The following PRTG variants were observed in gnomAD, a reference collection of about 807,000 sequenced individuals.
PRTG encodes the protein protogenin, also known as immunoglobulin superfamily, DCC subclass, member 5.
Under a neutral mutation model 122.5 loss-of-function variants are expected in PRTG, and 67 were observed. The ratio of observed to expected loss-of-function variants is 0.55; its 90% CI spans 0.45 to 0.67. The LOEUF is 0.67. PRTG is among the 30% of genes least tolerant of loss of function. The probability of loss-of-function intolerance (pLI) is 0.00; values close to 1 mark genes in which losing one functional copy is unlikely to be tolerated. For synonymous variants in PRTG, 554 were observed against 501.1 expected (o/e 1.11, Z -1.41); for missense variants, 1,435 against 1,415.4 (o/e 1.01, Z -0.22).
intron 2 of PRTG, among the ~76,000 whole-genome samples, chr15:55,721,365 T>C (rs1342139208): frequency 3.3e-5 from 5 of 152,170 alleles, no homozygotes; most frequent in East Asian, 1.9e-4. Flanking sequence ...AGTTAATCAC[T>C]TGCAAGTTAA....
chr15:55,700,714 G>A (rs1595662325), intron 2 of PRTG, among the ~76,000 whole-genome samples: 2 of 152,098 alleles, frequency 1.3e-5, no homozygotes, highest in African/African-American at 4.8e-5. Flanking sequence ...CTGGGAGGTC[G>A]AGGCTGTACT....
chr15:55,629,401 G>A (rs71399481), intron 15 of PRTG, among the ~76,000 whole-genome samples: 1 of 112,182 alleles, frequency 8.9e-6, no homozygotes, highest in African/African-American at 4.3e-5. Flanking sequence ...GTGTGTGTGT[G>A]TGTGTGTGTG....
chr15:55,641,158 C>T lies in PRTG; in HGVS notation c.2092G>A (p.Asp698Asn), dbSNP rs368384437. ...ACAGTCTGATCTGCCTGATAGCCAT[C>T]GTCTATGTTGTTGTAAGCCAGGAGT... is the stretch of plus-strand genomic sequence containing the variant. ...VRLLAYNNID[D>N]GYQADQTVST... The change falls in exon 12 of 20, where the codon GAT becomes AAT. Residue 698 changes from aspartate (D) to asparagine (N), a missense_variant. Physicochemically the swap from Asp to Asn is conservative, Grantham distance 23 (BLOSUM62 1). Transcript: ENST00000389286. The T allele has an allele frequency of 8.1e-6, 13 of 1,613,796 alleles. No individual in the cohort carries two copies. In the African/African-American group the frequency reaches 1.1e-4, roughly 13 times the overall value.
Position 55,627,118 on chromosome 15 carries a change from T to C in PRTG, c.2817A>G (p.Gly939=), listed in dbSNP as rs1483379318. ...TTGATTTTTGGTCCAGATGGTAATA[T>C]CCTGAATAAACTAGAAGGGAAAACA... is the stretch of plus-strand genomic sequence containing the variant. ...LDSADAKVYS[G]YYHLDQKSMT... The change falls in exon 17 of 20, where the codon GGA becomes GGG. Residue 939 remains glycine, a synonymous_variant. Coordinates refer to ENST00000389286, the MANE Select transcript of PRTG (RefSeq NM_173814.6). 4 of 1,595,070 alleles carry C rather than the reference T, an allele frequency of 2.5e-6. No homozygotes were observed. The highest frequency in any genetic ancestry group is 3.4e-6 in the Non-Finnish European group (4 of 1,165,964).
rs757540557 is a variant in PRTG, at chr15:55,673,358, T to G, written c.1852+13A>C. The G allele has an allele frequency of 5.0e-6, 8 of 1,590,958 alleles. No individual in the cohort carries two copies. Among genetic ancestry groups the G allele is most frequent in the Non-Finnish European group, 6.9e-6 (8 of 1,161,162 alleles). ...AAAATACTGTATTTTCTTAACAGTC[T>G]TCAGAAATTCACCTTTCACGCTTGT... On this transcript the variant is annotated intron_variant, in intron 10 of 19. Transcript: ENST00000389286.
chr15:55,640,355 A>G (rs1332743420), intron 12 of PRTG, among the ~76,000 whole-genome samples: 3 of 152,214 alleles, frequency 2.0e-5, no homozygotes, highest in Non-Finnish European at 4.4e-5. Flanking sequence ...TTATAATTTT[A>G]TGGGACCACT....
intron 2 of PRTG, among the ~76,000 whole-genome samples, chr15:55,688,174 T>C (rs1451511094): frequency 2.0e-5 from 3 of 152,240 alleles, no homozygotes; most frequent in Non-Finnish European, 4.4e-5. Context: ...TATTACTGGC[T>C]GTCTCCCCTT....
chr15:55,632,666 A>G lies in PRTG; in HGVS notation c.2624-3662T>C, dbSNP rs192947850. ...CTCAGGGCCTTTGCACCTCCCCCAGATATCCACAGGGTTATGTTTGAATGT... is the reference window on the plus strand; with the variant it reads ...CTCAGGGCCTTTGCACCTCCCCCAGGTATCCACAGGGTTATGTTTGAATGT... On this transcript the variant is annotated intron_variant, in intron 15 of 19. Coordinates refer to ENST00000389286, the MANE Select transcript of PRTG (RefSeq NM_173814.6). 3.3e-3 allele frequency among the ~76,000 whole-genome samples: 500 copies of G among 152,234 alleles called. 1 individual carries two copies. The highest frequency in any genetic ancestry group is 0.011 in the African/African-American group (454 of 41,550).
intron 15 of PRTG, among the ~76,000 whole-genome samples, chr15:55,630,241 C>A (rs1234238122): frequency 6.6e-6 from 1 of 152,182 alleles, no homozygotes; most frequent in Non-Finnish European, 1.5e-5. Context: ...CCGCCTCGGC[C>A]TCCCAAAGTG....
chr15:55,706,744 T>A (rs919836070), intron 2 of PRTG, among the ~76,000 whole-genome samples: 2 of 151,312 alleles, frequency 1.3e-5, no homozygotes, highest in Non-Finnish European at 2.9e-5. Flanking sequence ...CCAGCATGGG[T>A]GATAGAGTGA....
chr15:55,644,577 C>A (rs1335962879), intron 11 of PRTG, among the ~76,000 whole-genome samples: 1 of 152,070 alleles, frequency 6.6e-6, no homozygotes, highest in Non-Finnish European at 1.5e-5. Flanking sequence ...GATCAGAGAA[C>A]CGAGTTGCTC....
At position 55,731,563 on chromosome 15, in the gene PRTG, GT is replaced by G. The variant is rs552196083; in HGVS notation, c.397+8818del. Among the ~76,000 whole-genome samples, 48 of 151,856 alleles carry G rather than the reference GT, an allele frequency of 3.2e-4. No homozygotes were observed. The South Asian group carries it at 0.01, about 32-fold the overall frequency. ...TGTTTGTATTTTTAGTAGAGATGGG[GT>G]TTCACCATGTCGGTCAGGCTGGTCT... On this transcript the variant is annotated intron_variant, in intron 2 of 19. Coordinates refer to ENST00000389286, the MANE Select transcript of PRTG (RefSeq NM_173814.6).
At chr15:55,734,092 G>A (rs901298162) in intron 2 of PRTG, among the ~76,000 whole-genome samples, 51 of 152,304 alleles carry the variant, frequency 3.3e-4, no homozygotes, top group African/African-American at 1.1e-3. Flanking sequence ...GGAGGGTAGA[G>A]GCCAGGGATG....
intron 2 of PRTG, among the ~76,000 whole-genome samples, chr15:55,698,327 G>C (rs893137246): frequency 6.6e-6 from 1 of 152,056 alleles, no homozygotes; most frequent in African/African-American, 2.4e-5. Context: ...GTCTCTCTCT[G>C]TCACCCAGGC....
rs886675690 is a variant in PRTG, at chr15:55,615,505, C to T, written c.*4507G>A. 3.3e-5 allele frequency: 5 copies of T among 152,036 alleles called. No individual in the cohort carries two copies. The highest frequency in any genetic ancestry group is 2.4e-5 in the African/African-American group (1 of 41,392). The allele number at this position is 152,036 out of a possible 1,614,324, so 9.4% of individuals were successfully genotyped here. A position where few individuals can be genotyped will look rare whatever the true frequency, so the allele number is the denominator to read the frequency against. On this transcript the variant is annotated 3_prime_UTR_variant, in exon 20 of 20. Coordinates refer to ENST00000389286, the MANE Select transcript of PRTG (RefSeq NM_173814.6). ...TAAATCAACTTAACACAGAACTCTA[C>T]GGTTACATTCTTCTAAACATCAATA...
chr15:55,631,625 TG>T (rs1220820417), intron 15 of PRTG, among the ~76,000 whole-genome samples: 3 of 152,220 alleles, frequency 2.0e-5, no homozygotes, highest in African/African-American at 7.2e-5. Flanking sequence ...TTCCGTCTCC[TG>T]CCTTTTATAT....
chr15:55,727,332 T>C (rs1289691780), intron 2 of PRTG, among the ~76,000 whole-genome samples: 1 of 151,844 alleles, frequency 6.6e-6, no homozygotes, highest in East Asian at 1.9e-4. Flanking sequence ...TTTTTACTAC[T>C]GACTTAAAAA....
Position 55,617,699 on chromosome 15 carries a change from T to C in PRTG, c.*2313A>G, listed in dbSNP as rs2059147212. The C allele has an allele frequency of 6.6e-6, 1 of 152,148 alleles. No individual in the cohort carries two copies. Among genetic ancestry groups the C allele is most frequent in the Non-Finnish European group, 1.5e-5 (1 of 68,014 alleles). The allele number at this position is 152,148 out of a possible 1,614,324, so 9.4% of individuals were successfully genotyped here. A position where few individuals can be genotyped will look rare whatever the true frequency, so the allele number is the denominator to read the frequency against. On this transcript the variant is annotated 3_prime_UTR_variant, in exon 20 of 20. Transcript: ENST00000389286. ...TTCATCAAAAACCAAACAAACAAAATACTTTCCTCAAGGACTTTAGCTCGT... is the reference window on the plus strand; with the variant it reads ...TTCATCAAAAACCAAACAAACAAAACACTTTCCTCAAGGACTTTAGCTCGT...
rs1158617200 is a variant in PRTG at position 55,614,873 on chromosome 15, T to C, written c.*5139A>G. 1 of 152,084 alleles carries C rather than the reference T, an allele frequency of 6.6e-6. No homozygotes were observed. The highest frequency in any genetic ancestry group is 2.4e-5 in the African/African-American group (1 of 41,422). 9.4% of individuals were successfully genotyped at this position (152,084 alleles called of 1,614,324 possible). Reference sequence around the variant, plus strand: ...GAATTCCACAGAAAGAATGTACCTGTTGTGGGCAAAATACTGGCCACCTAC... The same window carrying C: ...GAATTCCACAGAAAGAATGTACCTGCTGTGGGCAAAATACTGGCCACCTAC... On this transcript the variant is annotated 3_prime_UTR_variant, in exon 20 of 20. Coordinates refer to ENST00000389286, the MANE Select transcript of PRTG (RefSeq NM_173814.6).
Sources: gnomAD v4.1 joint callset for allele counts (sites outside exome capture counted in the v4.1 genomes callset) on GRCh38, gnomAD v4.1.1 for gene constraint, MANE v1.5 for transcripts, NCBI Gene and HGNC (gene_info 2026-07-23, HGNC 2026-07-21) for gene names.